Variants in TMEM14B observed in about 807,000 individuals in gnomAD.
TMEM14B encodes the protein transmembrane protein 14B.
A neutral mutation model predicts 14.8 loss-of-function variants in TMEM14B; 9 were observed. That is an observed-to-expected ratio of 0.61 (90% CI 0.37 to 1.06). The LOEUF is 1.06. Ranked by LOEUF, TMEM14B falls within the 50% of genes least tolerant of loss-of-function variation. The pLI, the probability that TMEM14B is intolerant of heterozygous loss-of-function variation, is 0.01. For synonymous variants in TMEM14B, 40 were observed against 51.3 expected (o/e 0.78, Z 0.94); for missense variants, 128 against 143.6 (o/e 0.89, Z 0.56).
chr6:10,749,710 T>C lies in TMEM14B; in HGVS notation c.100+12T>C, dbSNP rs1771473839. The C allele has an allele frequency of 6.2e-7, 1 of 1,613,878 alleles. No homozygotes were observed. The highest frequency in any genetic ancestry group is 8.5e-7 in the Non-Finnish European group (1 of 1,179,890). ...CTATGTAAAAACAGGTAGGGTTTTG[T>C]TGTTACTTAGCCTCTTAACATCTTC... On this transcript the variant is annotated intron_variant, in intron 3 of 5. Transcript: ENST00000379542.
At chr6:10,758,909 CTTTTTT>C (rs34333457), downstream of TMEM14B, 67 of 103,408 alleles carry the variant, frequency 6.5e-4, 1 homozygote, top group Non-Finnish European at 1.0e-3. Flanking sequence ...AGATCTAATT[CTTTTTT>C]TTTTTTTTTT....
At chr6:10,748,131 G>A (rs1350152225) in intron 1 of TMEM14B, among the ~76,000 whole-genome samples, 1 of 152,154 alleles carries the variant, frequency 6.6e-6, no homozygotes, top group Non-Finnish European at 1.5e-5. Flanking sequence ...TTTCCTGGTG[G>A]TTTTGTTGCT....
At chr6:10,754,532 C>T (rs1179210480) in intron 4 of TMEM14B, among the ~76,000 whole-genome samples, 3 of 152,332 alleles carry the variant, frequency 2.0e-5, no homozygotes, top group African/African-American at 4.8e-5. Context: ...TCTTCACTTC[C>T]TTGGCTAAAA....
chr6:10,756,925 A>T lies in TMEM14B; in HGVS notation c.*407A>T, dbSNP rs531338892. 2.0e-6 allele frequency: 2 copies of T among 985,716 alleles called. No individual in the cohort carries two copies. The highest frequency in any genetic ancestry group is 2.3e-4 in the East Asian group (2 of 8,882). The allele number at this position is 985,716 out of a possible 1,614,324, so 61.1% of individuals were successfully genotyped here. ...TTTGCTCATCTTAGACCACAGACTG[A>T]CTTTGAAATTATGTTAAGTGAAATA... On this transcript the variant is annotated 3_prime_UTR_variant, in exon 6 of 6. Coordinates refer to ENST00000379542, the MANE Select transcript of TMEM14B (RefSeq NM_030969.5).
chr6:10,748,803 A>C (rs1458891811), intron 1 of TMEM14B, among the ~76,000 whole-genome samples: 1 of 152,234 alleles, frequency 6.6e-6, no homozygotes, highest in Admixed American at 6.5e-5. Flanking sequence ...TCAGTGAAGA[A>C]AAGCAACATC....
chr6:10,750,078 G>A (rs1771487747), intron 3 of TMEM14B: 1 of 239,280 alleles, frequency 4.2e-6, no homozygotes, highest in East Asian at 1.1e-4. Flanking sequence ...GCCAGGCAGG[G>A]GTGTGTCAGT....
In TMEM14B at chr6:10,749,349, A is replaced by G. The variant is rs116269210; in HGVS notation, c.23+81A>G. The G allele has an allele frequency of 5.8e-3, 8,915 of 1,547,504 alleles. 125 individuals are homozygous for G. Among genetic ancestry groups the G allele is most frequent in the African/African-American group, 0.053 (3,864 of 73,510 alleles). On this transcript the variant is annotated intron_variant, in intron 2 of 5. Transcript: ENST00000379542. Reference sequence around the variant, plus strand: ...CCTTTCCTCAGCTGAAAAGAACCCTAAGAGTAGACTGCCTGGGATGGCGTG... The same window carrying G: ...CCTTTCCTCAGCTGAAAAGAACCCTGAGAGTAGACTGCCTGGGATGGCGTG...
rs1159254508 is a variant in TMEM14B, at chr6:10,756,511, C to G, written c.338C>G (p.Ser113Cys). Reference protein sequence around the residue: ...AKVGVRMLMTSD With the variant: ...AKVGVRMLMTCD ...GTTGGAGTTCGTATGTTGATGACAT[C>G]TGATTAGCAGAAGTCATGTTCCAGC... Residue 113 changes from serine (S) to cysteine (C), a missense_variant, in exon 6 of 6, where the codon TCT becomes TGT. Coordinates refer to ENST00000379542, the MANE Select transcript of TMEM14B (RefSeq NM_030969.5). 1 of 1,613,544 alleles carries G rather than the reference C, an allele frequency of 6.2e-7. No individual in the cohort carries two copies. Among genetic ancestry groups the G allele is most frequent in the African/African-American group, 1.3e-5 (1 of 74,964 alleles).
downstream of TMEM14B, among the ~76,000 whole-genome samples, chr6:10,758,771 ACTC>A (rs756880598): frequency 5.3e-5 from 8 of 152,132 alleles, no homozygotes; most frequent in South Asian, 1.5e-3. Flanking sequence ...GTTGACATGA[ACTC>A]CTTTTGTGAG....
chr6:10,753,429 A>G (rs941989310), intron 4 of TMEM14B, among the ~76,000 whole-genome samples: 7 of 151,960 alleles, frequency 4.6e-5, no homozygotes, highest in Non-Finnish European at 8.8e-5. Context: ...ACGGTTGACC[A>G]ATCATTTTCC....
chr6:10,758,816 C>T (rs1359338359), downstream of TMEM14B: 1 of 151,160 alleles, frequency 6.6e-6, no homozygotes, highest in African/African-American at 2.5e-5. Flanking sequence ...AAGGACGGGG[C>T]AAATGTCTCA....
chr6:10,749,017 A>G (rs537050941), intron 1 of TMEM14B, among the ~76,000 whole-genome samples, 185 bp from the exon 2 acceptor site: 2 of 152,322 alleles, frequency 1.3e-5, no homozygotes, highest in South Asian at 4.1e-4. Context: ...GGTGCTAAGC[A>G]CCTTTACATG....
rs931460694 is a variant in TMEM14B at position 10,751,310 on chromosome 6, G to A, written c.202+76G>A. 5.9e-6 allele frequency: 9 copies of A among 1,532,884 alleles called. No individual in the cohort carries two copies. In the African/African-American group the frequency reaches 1.2e-4, roughly 21 times the overall value. 95.0% of individuals were successfully genotyped at this position (1,532,884 alleles called of 1,614,324 possible). A position where few individuals can be genotyped will look rare whatever the true frequency, so the allele number is the denominator to read the frequency against. ...TTTTCCAAAAGACCCTGGTTTGGTGGGATGGAGCGAGTTCTTCCCACTTAA... is the reference window on the plus strand; with the variant it reads ...TTTTCCAAAAGACCCTGGTTTGGTGAGATGGAGCGAGTTCTTCCCACTTAA... On this transcript the variant is annotated intron_variant, in intron 4 of 5. Coordinates refer to ENST00000379542, the MANE Select transcript of TMEM14B (RefSeq NM_030969.5).
intron 4 of TMEM14B, among the ~76,000 whole-genome samples, chr6:10,753,486 T>C (rs9467449): frequency 0.15 from 22,195 of 151,912 alleles, 5,123 homozygotes; most frequent in African/African-American, 0.49. Flanking sequence ...TTTGGCAACC[T>C]ATTTTCCTTT....
chr6:10,753,178 G>A (rs993779916), intron 4 of TMEM14B, among the ~76,000 whole-genome samples: 3 of 152,050 alleles, frequency 2.0e-5, no homozygotes, highest in African/African-American at 7.3e-5. Context: ...GGAGGTCGCG[G>A]TGAGCCGAGA....
chr6:10,756,447 A>T lies in TMEM14B; in HGVS notation c.294-20A>T, dbSNP rs6922852. On this transcript the variant is annotated intron_variant, in intron 5 of 5. Coordinates refer to ENST00000379542, the MANE Select transcript of TMEM14B (RefSeq NM_030969.5). The stretch of plus-strand genomic sequence containing the variant: ...TTCTATCCTTTACCTGATGTTTTCT[A>T]TCTTACTTGTTTTAAACAGTTTGCT... 63 of 1,613,214 alleles carry T rather than the reference A, an allele frequency of 3.9e-5. No individual in the cohort carries two copies. Among genetic ancestry groups the T allele is most frequent in the Non-Finnish European group, 4.9e-5 (58 of 1,179,706 alleles).
intron 4 of TMEM14B, 148 bp from the exon 5 acceptor site, chr6:10,754,994 G>T (rs777530128): frequency 6.9e-5 from 56 of 815,880 alleles, no homozygotes; most frequent in Non-Finnish European, 1.0e-4. Context: ...CATAGGATGT[G>T]GGCAGCTAGT....
rs963223478 is a variant in TMEM14B at position 10,753,851 on chromosome 6, C to G, written c.203-1291C>G. ...TCCTCTTTTTCATCTGCACAGCCAT[C>G]GTCCTAGTCCCAGTTATCCCCTCTT... On this transcript the variant is annotated intron_variant, in intron 4 of 5. Transcript: ENST00000379542. 2.6e-3 allele frequency among the ~76,000 whole-genome samples: 398 copies of G among 151,982 alleles called. 3 individuals are homozygous for G. Among genetic ancestry groups the G allele is most frequent in the African/African-American group, 8.8e-3 (363 of 41,258 alleles).
At chr6:10,748,038 C>A (rs1487478884) in intron 1 of TMEM14B, among the ~76,000 whole-genome samples, 157 bp downstream of exon 1, 1 of 152,172 alleles carries the variant, frequency 6.6e-6, no homozygotes, top group African/African-American at 2.4e-5. Flanking sequence ...GTATTTTCTG[C>A]TTGTCTTAAA....
Sources: allele counts gnomAD v4.1 joint callset (sites outside exome capture counted in the v4.1 genomes callset), GRCh38; gene constraint gnomAD v4.1.1; transcripts MANE v1.5; gene names NCBI Gene and HGNC (gene_info 2026-07-23, HGNC 2026-07-21).